CPNE8: variants seen among roughly 807,000 people sequenced by gnomAD.
The protein encoded by CPNE8 is copine-8.
In CPNE8, 45 loss-of-function variants were observed where a neutral mutation model predicts 81.5. That is an observed-to-expected ratio of 0.55 (90% CI 0.44 to 0.71). The LOEUF is 0.71. Ranked by LOEUF, CPNE8 falls within the 30% of genes least tolerant of loss-of-function variation. CPNE8 has a pLI of 0.00. For missense variants in CPNE8, 594 were observed against 672.1 expected, an observed-to-expected ratio of 0.88 and a Z score of 1.28; for synonymous variants, 252 against 226.3, an observed-to-expected ratio of 1.11 and a Z score of -1.02.
At chr12:38,806,169 G>A (rs1206050715) in intron 6 of CPNE8, among the ~76,000 whole-genome samples, 1 of 150,232 alleles carries the variant, frequency 6.7e-6, no homozygotes, top group Non-Finnish European at 1.5e-5. Flanking sequence ...AATTCTACCA[G>A]AGGCATGAGG....
In CPNE8 at chr12:38,738,578, C is replaced by T. The variant is rs1026443263; in HGVS notation, c.723-8220G>A. Among the ~76,000 whole-genome samples the T allele has an allele frequency of 6.6e-5, 10 of 152,246 alleles. No individual in the cohort carries two copies. In the East Asian group the frequency reaches 1.9e-3, roughly 29 times the overall value. On this transcript the variant is annotated intron_variant, in intron 10 of 19. Coordinates refer to ENST00000331366, the MANE Select transcript of CPNE8 (RefSeq NM_153634.3). The stretch of plus-strand genomic sequence containing the variant: ...AAAGACCATCCTACCACTTTAGTGA[C>T]ATTTTGAATTTAAAGCTGACAGTGT...
At chr12:38,745,057 CAA>C (rs1941197303) in intron 10 of CPNE8, among the ~76,000 whole-genome samples, 1 of 152,090 alleles carries the variant, frequency 6.6e-6, no homozygotes, top group South Asian at 2.1e-4. Context: ...TCGGAGATTC[CAA>C]AATTTCAATG....
chr12:38,781,677 A>T (rs1486324194), intron 6 of CPNE8, among the ~76,000 whole-genome samples: 3 of 152,112 alleles, frequency 2.0e-5, no homozygotes, highest in African/African-American at 7.2e-5. Flanking sequence ...ATACACCATT[A>T]TGTTGAACAA....
intron 4 of CPNE8, among the ~76,000 whole-genome samples, chr12:38,841,419 A>G (rs1244454251): frequency 6.6e-6 from 1 of 152,234 alleles, no homozygotes; most frequent in Non-Finnish European, 1.5e-5. Context: ...CAGGAGACAC[A>G]GGAGAAAAAT....
chr12:38,854,934 T>C (rs1943706674), intron 3 of CPNE8, among the ~76,000 whole-genome samples: 1 of 151,998 alleles, frequency 6.6e-6, no homozygotes, highest in South Asian at 2.1e-4. Context: ...ATAAAAGGCA[T>C]GCAAATTGGA....
intron 10 of CPNE8, among the ~76,000 whole-genome samples, chr12:38,756,489 G>C (rs1402220425): frequency 1.3e-5 from 2 of 151,862 alleles, no homozygotes; most frequent in Non-Finnish European, 2.9e-5. Context: ...GAGTAGCGAG[G>C]ACTACAGCCA....
chr12:38,771,211 C>T (rs931286309), intron 7 of CPNE8, among the ~76,000 whole-genome samples: 1 of 151,594 alleles, frequency 6.6e-6, no homozygotes, highest in African/African-American at 2.4e-5. Context: ...GTAACCCCAG[C>T]GCTTTGGGAG....
chr12:38,663,019 C>A (rs1359060430), intron 19 of CPNE8, among the ~76,000 whole-genome samples: 1 of 151,944 alleles, frequency 6.6e-6, no homozygotes, highest in Non-Finnish European at 1.5e-5. Flanking sequence ...AATGTAAGAT[C>A]CTAAACTATG....
chr12:38,712,271 C>T (rs373643126), intron 13 of CPNE8, among the ~76,000 whole-genome samples: 1 of 149,698 alleles, frequency 6.7e-6, no homozygotes, highest in Non-Finnish European at 1.5e-5. Flanking sequence ...GTGGCATCAT[C>T]ATGGCTCACA....
intron 8 of CPNE8, among the ~76,000 whole-genome samples, chr12:38,766,344 A>G (rs1182101121): frequency 2.0e-5 from 3 of 152,150 alleles, no homozygotes; most frequent in African/African-American, 7.2e-5. Flanking sequence ...GAAATTCAGA[A>G]TCATTCTTGA....
chr12:38,827,243 G>A (rs1943214417), intron 6 of CPNE8, among the ~76,000 whole-genome samples: 1 of 150,560 alleles, frequency 6.6e-6, no homozygotes, highest in African/African-American at 2.4e-5. Context: ...CTAATCATTA[G>A]AGAAATGCAA....
chr12:38,792,145 G>A (rs1174326304), intron 6 of CPNE8, among the ~76,000 whole-genome samples: 1 of 151,160 alleles, frequency 6.6e-6, no homozygotes, highest in Non-Finnish European at 1.5e-5. Context: ...AAGATCTCAA[G>A]TCAACAACCT....
rs5797594 is a variant in CPNE8, at chr12:38,756,352, C to CTT, written c.722+4493_722+4494dup. Among the ~76,000 whole-genome samples the CTT allele has an allele frequency of 5.7e-3, 770 of 135,144 alleles. 4 individuals carry two copies. Among genetic ancestry groups the CTT allele is most frequent in the African/African-American group, 0.016 (587 of 36,370 alleles). 88.7% of individuals were successfully genotyped at this position (135,144 alleles called of 152,430 possible). A position where few individuals can be genotyped will look rare whatever the true frequency, so the allele number is the denominator to read the frequency against. Reference sequence around the variant, plus strand: ...TTGTAAGCAAGTAAAGCATTTTCCACTTTTTTTTTTTTTTTTTTTAGACAG... The same window carrying CTT: ...TTGTAAGCAAGTAAAGCATTTTCCACTTTTTTTTTTTTTTTTTTTTTAGACAG... On this transcript the variant is annotated intron_variant, in intron 10 of 19. Transcript: ENST00000331366.
At chr12:38,683,649 T>G (rs1939460740) in intron 16 of CPNE8, among the ~76,000 whole-genome samples, 1 of 152,144 alleles carries the variant, frequency 6.6e-6, no homozygotes, top group African/African-American at 2.4e-5. Flanking sequence ...GATGAAAGGA[T>G]AAAAGCATTT....
At chr12:38,689,654 A>G (rs1939624754) in intron 15 of CPNE8, among the ~76,000 whole-genome samples, 1 of 152,228 alleles carries the variant, frequency 6.6e-6, no homozygotes, top group Non-Finnish European at 1.5e-5. Context: ...TAAATTGCAT[A>G]CATTTGTATA....
At chr12:38,779,184 CT>C (rs1307499873) in intron 6 of CPNE8, among the ~76,000 whole-genome samples, 8 of 152,136 alleles carry the variant, frequency 5.3e-5, no homozygotes, top group Non-Finnish European at 8.8e-5. Flanking sequence ...ATGCAAAGAT[CT>C]TTATAAATGC....
intron 1 of CPNE8, among the ~76,000 whole-genome samples, chr12:38,897,763 A>G (rs1008844056): frequency 6.6e-5 from 10 of 152,040 alleles, no homozygotes; most frequent in Non-Finnish European, 1.3e-4. Flanking sequence ...AGTTTGACGC[A>G]ACAGCGAAGG....
At chr12:38,874,197 A>T (rs1177338140) in intron 2 of CPNE8, among the ~76,000 whole-genome samples, 1 of 152,170 alleles carries the variant, frequency 6.6e-6, no homozygotes, top group Non-Finnish European at 1.5e-5. Context: ...TTTCAAATAT[A>T]ATAATTTCTA....
chr12:38,751,652 A>G (rs1941354897), intron 10 of CPNE8, among the ~76,000 whole-genome samples: 1 of 152,206 alleles, frequency 6.6e-6, no homozygotes, highest in Admixed American at 6.5e-5. Context: ...GTTCATTTTC[A>G]GTGATAGAGT....
Sources: allele counts gnomAD v4.1 joint callset (sites outside exome capture counted in the v4.1 genomes callset), GRCh38; gene constraint gnomAD v4.1.1; transcripts MANE v1.5; gene names NCBI Gene and HGNC (gene_info 2026-07-23, HGNC 2026-07-21).